Variants in SEC61A1 observed in about 807,000 individuals in gnomAD.
The protein encoded by SEC61A1 is protein transport protein Sec61 subunit alpha isoform 1.
In SEC61A1, 15 loss-of-function variants were observed where a neutral mutation model predicts 55.2. The observed-to-expected ratio is 0.27, with a 90% CI of 0.18 to 0.42. The LOEUF is 0.42. Ranked by LOEUF, SEC61A1 falls within the 10% of genes least tolerant of loss-of-function variation. The pLI is 1.00. For missense variants in SEC61A1, 284 were observed against 602.6 expected (o/e 0.47, Z 5.53); for synonymous variants, 247 against 234.0 (o/e 1.06, Z -0.51).
chr3:128,056,679 T>G (rs761778093), intron 4 of SEC61A1, 30 bp from the exon 5 acceptor site: 16 of 1,491,460 alleles, frequency 1.1e-5, no homozygotes, highest in African/African-American at 1.4e-5. Flanking sequence ...CAAGCTGATA[T>G]TGACTGTTTT....
intron 3 of SEC61A1, 34 bp downstream of exon 3, chr3:128,055,615 G>A (rs999189556): frequency 1.9e-6 from 3 of 1,609,076 alleles, no homozygotes; most frequent in African/African-American, 2.7e-5. Context: ...ATTGGGGAGG[G>A]GGATAAGAGT....
chr3:128,051,934 T>A (rs1481295803), upstream of SEC61A1: 1 of 1,513,602 alleles, frequency 6.6e-7, no homozygotes, highest in Non-Finnish European at 8.9e-7. Context: ...GCCCGCGCCC[T>A]ACTCAGCAGG....
intron 7 of SEC61A1, among the ~76,000 whole-genome samples, chr3:128,061,729 T>C (rs1941855475): frequency 6.6e-6 from 1 of 152,184 alleles, no homozygotes; most frequent in Non-Finnish European, 1.5e-5. Context: ...GAGAAGCAGG[T>C]CCAGAAGGCA....
rs1941837781 is a variant in SEC61A1, at chr3:128,060,660, A to C, written c.615A>C (p.Arg205=). 5.0e-6 allele frequency: 8 copies of C among 1,614,036 alleles called. No individual in the cohort carries two copies. The highest frequency in any genetic ancestry group is 3.3e-4 in the Middle Eastern group (2 of 6,062). The part of the protein sequence containing the change: ...AFSPTTVNTG[R]GMEFEGAIIA... ...GCCCCACTACTGTCAACACTGGCCG[A>C]GGTAAGGGCCCTGTGCTCCCCTGGT... The change falls in exon 7 of 12, where the codon CGA becomes CGC. Residue 205 remains arginine, a splice_region_variant and synonymous_variant. Coordinates refer to ENST00000243253, the MANE Select transcript of SEC61A1 (RefSeq NM_013336.4).
chr3:128,062,541 G>A (rs916462625), intron 7 of SEC61A1, among the ~76,000 whole-genome samples: 5 of 152,216 alleles, frequency 3.3e-5, no homozygotes, highest in Admixed American at 2.0e-4. Flanking sequence ...ACGAAAGACC[G>A]CCACAGGGTG....
chr3:128,060,293 T>G, intron 6 of SEC61A1, 82 bp downstream of exon 6: 1 of 1,146,118 alleles, frequency 8.7e-7, no homozygotes, highest in East Asian at 2.3e-5. Flanking sequence ...CAAGCACACC[T>G]AAAAGGAACT....
chr3:128,051,792 G>T (rs1941676591), upstream of SEC61A1: 2 of 1,531,762 alleles, frequency 1.3e-6, no homozygotes, highest in Non-Finnish European at 1.7e-6. Flanking sequence ...GAGCTGCCCC[G>T]GCCCTTCTCC....
intron 5 of SEC61A1, among the ~76,000 whole-genome samples, chr3:128,059,334 G>C (rs937287859): frequency 6.6e-6 from 1 of 152,102 alleles, no homozygotes; most frequent in South Asian, 2.1e-4. Flanking sequence ...TTAGCTGGCT[G>C]TGGTGGCACG....
intron 7 of SEC61A1, among the ~76,000 whole-genome samples, chr3:128,062,902 A>G (rs979738036): frequency 1.1e-4 from 16 of 152,140 alleles, no homozygotes; most frequent in South Asian, 4.1e-4. Context: ...CCGAAACTCA[A>G]TGTCAGGCAC....
Position 128,067,100 on chromosome 3 carries a change from C to G in SEC61A1, c.924C>G (p.Leu308=), listed in dbSNP as rs1576425449. Residue 308 remains leucine (L), a synonymous_variant, in exon 9 of 12, where the codon CTC becomes CTG. Coordinates refer to ENST00000243253, the MANE Select transcript of SEC61A1 (RefSeq NM_013336.4). This position sits in a 1 kb window ranked among gnomAD's most constrained non-coding sequence, Gnocchi z 4.1. ...ACCTTTATGTCATCTCCCAAATGCT[C>G]TCAGCTCGCTTCAGTGGCAACTTGC... ...VSNLYVISQM[L]SARFSGNLLV... 6.2e-7 allele frequency: 1 copy of G among 1,614,224 alleles called. No individual in the cohort carries two copies. The highest frequency in any genetic ancestry group is 8.5e-7 in the Non-Finnish European group (1 of 1,180,044).
intron 2 of SEC61A1, among the ~76,000 whole-genome samples, chr3:128,053,878 T>A (rs1941729455): frequency 6.6e-6 from 1 of 152,026 alleles, no homozygotes; most frequent in African/African-American, 2.4e-5. Flanking sequence ...CAGGAAGGGA[T>A]TAACTCTGGG....
chr3:128,060,094 A>C lies in SEC61A1; in HGVS notation c.353-8A>C. 6.2e-7 allele frequency: 1 copy of C among 1,602,998 alleles called. No homozygotes were observed. The highest frequency in any genetic ancestry group is 8.5e-7 in the Non-Finnish European group (1 of 1,170,472). On this transcript the variant is annotated splice_region_variant and splice_polypyrimidine_tract_variant and intron_variant, in intron 5 of 11. Transcript: ENST00000243253. ...CACTTGGAAAACACTTCTTTCTTTC[A>C]ATTCTAGTATTTGGCATGATCATTA...
Position 128,067,177 on chromosome 3 carries a change from T to C in SEC61A1, c.975+26T>C, listed in dbSNP as rs1384388233. 5 of 1,601,332 alleles carry C rather than the reference T, an allele frequency of 3.1e-6. No individual in the cohort carries two copies. Among genetic ancestry groups the C allele is most frequent in the East Asian group, 2.2e-5 (1 of 44,820 alleles). On this transcript the variant is annotated intron_variant, in intron 9 of 11. Coordinates refer to ENST00000243253, the MANE Select transcript of SEC61A1 (RefSeq NM_013336.4). The surrounding 1 kb of genome is among the most constrained non-coding windows in gnomAD (Gnocchi z 4.1). ...GTAAGTAGGCTCTTTGAAGATGAGC[T>C]AGCAATGCAGCTAAGTTGCAGTGGT...
rs374849175 is a variant in SEC61A1, at chr3:128,064,917, G to C, written c.657G>C (p.Leu219=). 14 of 1,613,506 alleles carry C rather than the reference G, an allele frequency of 8.7e-6. No homozygotes were observed. In the East Asian group the frequency reaches 1.1e-4, roughly 13 times the overall value. ...GTGCTATCATCGCACTTTTCCATCT[G>C]CTGGCCACACGCACAGACAAGGTCC... ...FEGAIIALFH[L]LATRTDKVRA... Residue 219 remains leucine (L), a synonymous_variant, in exon 8 of 12, where the codon CTG becomes CTC. Transcript: ENST00000243253.
intron 8 of SEC61A1, chr3:128,066,704 G>GTT (rs1388844850): frequency 1.9e-6 from 1 of 537,380 alleles, no homozygotes; most frequent in East Asian, 3.1e-5. Flanking sequence ...GATTACAGGT[G>GTT]TAAGTCACCA....
chr3:128,052,386 C>CCCCGG (rs1384106132), upstream of SEC61A1: 2 of 1,159,868 alleles, frequency 1.7e-6, no homozygotes, highest in South Asian at 4.3e-5. Context: ...CGAGGCCCGG[C>CCCCGG]CCCGGCCCCG....
intron 2 of SEC61A1, among the ~76,000 whole-genome samples, chr3:128,053,923 A>G (rs1183109983): frequency 1.3e-5 from 2 of 152,264 alleles, no homozygotes; most frequent in African/African-American, 4.8e-5. Context: ...TGAAGGAGAA[A>G]TAGAAGTCTC....
At chr3:128,060,065 G>T in intron 5 of SEC61A1, 37 bp from the exon 6 acceptor site, 1 of 1,451,452 alleles carries the variant, frequency 6.9e-7, no homozygotes, top group South Asian at 1.1e-5. Context: ...TCTGTGTAGT[G>T]ACCCACTTGG....
At position 128,060,572 on chromosome 3, in the gene SEC61A1, G is replaced by A; in HGVS notation, c.527G>A (p.Gly176Asp). Reference sequence around the variant, plus strand: ...CTCCTGCAAAAAGGATATGGCCTTGGCTCTGGTATTTCTCTCTTCATTGCA... The same window carrying A: ...CTCCTGCAAAAAGGATATGGCCTTGACTCTGGTATTTCTCTCTTCATTGCA... ...DELLQKGYGL[G>D]SGISLFIATN... Residue 176 changes from glycine to aspartate, a missense_variant, in exon 7 of 12, where the codon GGC becomes GAC. By Grantham distance (94) the Gly-to-Asp change is moderately conservative. Coordinates refer to ENST00000243253, the MANE Select transcript of SEC61A1 (RefSeq NM_013336.4). 1 of 1,614,060 alleles carries A rather than the reference G, an allele frequency of 6.2e-7. No individual in the cohort carries two copies. The highest frequency in any genetic ancestry group is 8.5e-7 in the Non-Finnish European group (1 of 1,179,984).
Sources: gnomAD v4.1 joint callset for allele counts (sites outside exome capture counted in the v4.1 genomes callset) on GRCh38, gnomAD v4.1.1 for gene constraint, Gnocchi (gnomAD v3.1) non-coding constraint, MANE v1.5 for transcripts, NCBI Gene and HGNC (gene_info 2026-07-23, HGNC 2026-07-21) for gene names.